The following CEP85L variants were observed in gnomAD, a reference collection of about 807,000 sequenced individuals.
The protein encoded by CEP85L is centrosomal protein of 85 kDa-like.
CEP85L carries 60 observed loss-of-function variants against 100.3 expected under a neutral mutation model. That is an observed-to-expected ratio of 0.60 (90% confidence interval 0.49 to 0.74). The LOEUF is 0.74. CEP85L is among the 30% of genes least tolerant of loss of function. The probability of loss-of-function intolerance (pLI) is 0.00; values close to 1 mark genes in which losing one functional copy is unlikely to be tolerated. For synonymous variants in CEP85L, 319 were observed against 322.7 expected, an observed-to-expected ratio of 0.99 and a Z score of 0.12; for missense variants, 973 against 936.2, an observed-to-expected ratio of 1.04 and a Z score of -0.51.
chr6:118,595,767 TAATC>T (rs1275250801), intron 2 of CEP85L, among the ~76,000 whole-genome samples: 1 of 152,192 alleles, frequency 6.6e-6, no homozygotes, highest in Non-Finnish European at 1.5e-5. Flanking sequence ...GTTTTTACAA[TAATC>T]AGTCTTTTAA....
upstream of CEP85L, among the ~76,000 whole-genome samples, chr6:118,654,471 T>C (rs1775708224): frequency 6.6e-6 from 1 of 152,228 alleles, no homozygotes; most frequent in Non-Finnish European, 1.5e-5. Context: ...AAGAGATTTA[T>C]GAATGAATTC....
chr6:118,502,688 G>T, intron 5 of CEP85L: 1 of 458,714 alleles, frequency 2.2e-6, no homozygotes, highest in South Asian at 2.3e-5. Context: ...TTGAACACCT[G>T]ACCCCTTCCC....
intron 1 of CEP85L, among the ~76,000 whole-genome samples, chr6:118,692,505 T>C (rs1777076943): frequency 6.6e-6 from 1 of 152,168 alleles, no homozygotes; most frequent in African/African-American, 2.4e-5. Context: ...CAACCTCCCC[T>C]ATCAAGAAGA....
intron 3 of CEP85L, among the ~76,000 whole-genome samples, chr6:118,525,604 G>A (rs1373348024): frequency 6.6e-6 from 1 of 152,202 alleles, no homozygotes; most frequent in Non-Finnish European, 1.5e-5. Context: ...ACAAGACAAG[G>A]AAAGCCAAAG....
At chr6:118,662,891 GTA>G (rs1263188050) in intron 1 of CEP85L, among the ~76,000 whole-genome samples, 3 of 152,190 alleles carry the variant, frequency 2.0e-5, no homozygotes, top group Non-Finnish European at 2.9e-5. Context: ...TGACTCTCAT[GTA>G]TTCATCCTGA....
intron 2 of CEP85L, among the ~76,000 whole-genome samples, chr6:118,579,566 A>T (rs941232374): frequency 2.6e-4 from 39 of 152,240 alleles, no homozygotes; most frequent in African/African-American, 8.9e-4. Flanking sequence ...TTTACAAATC[A>T]AACTATCATG....
chr6:118,605,870 C>T (rs1355027433), intron 2 of CEP85L, among the ~76,000 whole-genome samples: 5 of 151,944 alleles, frequency 3.3e-5, no homozygotes, highest in East Asian at 3.9e-4. Flanking sequence ...AAAAATTAGC[C>T]GGGCATGGTG....
At chr6:118,486,199 T>G (rs953397716) in intron 6 of CEP85L, among the ~76,000 whole-genome samples, 1 of 152,208 alleles carries the variant, frequency 6.6e-6, no homozygotes, top group African/African-American at 2.4e-5. Flanking sequence ...TTCATTTTTT[T>G]TTAAAACTGC....
At chr6:118,671,792 G>A (rs1776313472) in intron 1 of CEP85L, among the ~76,000 whole-genome samples, 1 of 152,040 alleles carries the variant, frequency 6.6e-6, no homozygotes, top group Admixed American at 6.5e-5. Context: ...ACAAAAATCA[G>A]TTAGGCATGG....
intron 3 of CEP85L, among the ~76,000 whole-genome samples, chr6:118,561,234 A>G (rs1779204981): frequency 6.6e-6 from 1 of 152,168 alleles, no homozygotes; most frequent in Non-Finnish European, 1.5e-5. Flanking sequence ...TGATACACTC[A>G]CCTCACTGGT....
chr6:118,533,480 C>CA (rs34447280), intron 3 of CEP85L, among the ~76,000 whole-genome samples: 1 of 151,768 alleles, frequency 6.6e-6, no homozygotes, highest in East Asian at 1.9e-4. Flanking sequence ...TAAAAGCTCC[C>CA]AAAAAAATCT....
intron 1 of CEP85L, among the ~76,000 whole-genome samples, chr6:118,663,011 C>A (rs1366981851): frequency 1.3e-5 from 2 of 151,746 alleles, no homozygotes; most frequent in Non-Finnish European, 2.9e-5. Context: ...TATATTTTTT[C>A]TGCATACTTT....
chr6:118,493,342 A>G (rs1774699377), intron 5 of CEP85L, among the ~76,000 whole-genome samples: 2 of 152,170 alleles, frequency 1.3e-5, no homozygotes, highest in African/African-American at 4.8e-5. Flanking sequence ...GAATTCCAAG[A>G]ATTGTGAACT....
intron 4 of CEP85L, among the ~76,000 whole-genome samples, chr6:118,520,676 T>C (rs1776610499): frequency 6.6e-6 from 1 of 152,182 alleles, no homozygotes; most frequent in Non-Finnish European, 1.5e-5. Context: ...CCAACCTCTC[T>C]GTATTCGCTA....
chr6:118,602,059 C>G (rs1268323090), intron 2 of CEP85L, among the ~76,000 whole-genome samples: 2 of 152,102 alleles, frequency 1.3e-5, no homozygotes, highest in Non-Finnish European at 2.9e-5. Flanking sequence ...TCCCCCCTCC[C>G]TTTTATAAGA....
chr6:118,582,385 G>T (rs1180819744), intron 2 of CEP85L, among the ~76,000 whole-genome samples: 1 of 152,208 alleles, frequency 6.6e-6, no homozygotes, highest in Non-Finnish European at 1.5e-5. Flanking sequence ...TTATGTTGCT[G>T]CTAAGTCAGA....
Position 118,465,587 on chromosome 6 carries a change from G to C in CEP85L, c.2255-19C>G. On this transcript the variant is annotated intron_variant, in intron 12 of 12. Transcript: ENST00000368491. ...TTCATTGCTGTGTAAATAAAACATAGAGAGAATATCTCACATTTTTTTGAA... is the reference window on the plus strand; with the variant it reads ...TTCATTGCTGTGTAAATAAAACATACAGAGAATATCTCACATTTTTTTGAA... 1 of 1,598,914 alleles carries C rather than the reference G, an allele frequency of 6.3e-7. No homozygotes were observed. Among genetic ancestry groups the C allele is most frequent in the African/African-American group, 1.3e-5 (1 of 74,280 alleles).
chr6:118,514,539 A>AAAG (rs1346684431), intron 4 of CEP85L, among the ~76,000 whole-genome samples: 1,490 of 105,344 alleles, frequency 0.014, 35 homozygotes, highest in African/African-American at 0.045. Context: ...AAAAAAAAAA[A>AAAG]AAAAGAAAAC....
chr6:118,582,162 C>T (rs1780613378), intron 2 of CEP85L, among the ~76,000 whole-genome samples: 1 of 152,148 alleles, frequency 6.6e-6, no homozygotes, highest in South Asian at 2.1e-4. Flanking sequence ...CCTCCAGCTC[C>T]ACTATCTCCA....
Sources: gnomAD v4.1 joint callset for allele counts (sites outside exome capture counted in the v4.1 genomes callset) on GRCh38, gnomAD v4.1.1 for gene constraint, MANE v1.5 for transcripts, NCBI Gene and HGNC (gene_info 2026-07-23, HGNC 2026-07-21) for gene names.